Variants in DGLUCY observed in about 807,000 individuals in gnomAD.
DGLUCY encodes the protein D-glutamate cyclase, mitochondrial.
DGLUCY carries 58 observed loss-of-function variants against 58.5 expected under a neutral mutation model. That is an observed-to-expected ratio of 0.99 (90% CI 0.80 to 1.23). The LOEUF is 1.23. Among genes scored for constraint, DGLUCY ranks in the 50% most tolerant of loss-of-function variants. DGLUCY has a pLI of 0.00. For missense variants in DGLUCY, 779 were observed against 784.7 expected (o/e 0.99, Z 0.09); for synonymous variants, 325 against 314.1 (o/e 1.03, Z -0.37).
intron 1 of DGLUCY, among the ~76,000 whole-genome samples, chr14:91,063,876 CACTGAAGTTAGTGTTTGGAG>C (rs1331097891): frequency 6.6e-6 from 1 of 152,174 alleles, no homozygotes; most frequent in Non-Finnish European, 1.5e-5. Context: ...TTCAGAAGGT[CACTGAAGTTAGTGTTTGGAG>C]ACTGCGCTGG....
At chr14:91,060,367 T>C (rs1369945741) in exon 1 of DGLUCY, 2 of 1,503,142 alleles carry the variant, frequency 1.3e-6, no homozygotes, top group South Asian at 2.6e-5. Flanking sequence ...GAGGAGCTGC[T>C]CTCCTCCGTC....
At chr14:91,107,330 C>T (rs1452758134), upstream of DGLUCY, among the ~76,000 whole-genome samples, 1 of 151,806 alleles carries the variant, frequency 6.6e-6, no homozygotes, top group Non-Finnish European at 1.5e-5. Flanking sequence ...ACCAGCCTGG[C>T]CAACGTGGTG....
chr14:91,211,276 G>C (rs1430352683), intron 12 of DGLUCY, among the ~76,000 whole-genome samples: 1 of 152,144 alleles, frequency 6.6e-6, no homozygotes, highest in Non-Finnish European at 1.5e-5. Flanking sequence ...CAATAAATTT[G>C]ATATAGTCCC....
At chr14:91,077,255 GAGAGAGAGAA>G (rs2044036559) in intron 1 of DGLUCY, among the ~76,000 whole-genome samples, 1 of 150,728 alleles carries the variant, frequency 6.6e-6, no homozygotes, top group Non-Finnish European at 1.5e-5. Flanking sequence ...AAAGAGTGGG[GAGAGAGAGAA>G]AGAGAGAGAG....
At chr14:91,155,804 A>AG (rs2047583671) in intron 1 of DGLUCY, among the ~76,000 whole-genome samples, 2 of 151,900 alleles carry the variant, frequency 1.3e-5, no homozygotes, top group African/African-American at 4.8e-5. Flanking sequence ...TTCCAAAAAA[A>AG]AAAAAAAAAG....
intron 8 of DGLUCY, among the ~76,000 whole-genome samples, chr14:91,182,469 A>ATTT (rs2049242004): frequency 6.6e-6 from 1 of 151,796 alleles, no homozygotes; most frequent in African/African-American, 2.4e-5. Context: ...TATTATTATT[A>ATTT]TTTAGAGATG....
intron 1 of DGLUCY, among the ~76,000 whole-genome samples, chr14:91,119,699 G>T (rs957031799): frequency 2.0e-5 from 3 of 152,098 alleles, no homozygotes; most frequent in Admixed American, 6.6e-5. Flanking sequence ...TTCCTGTGAG[G>T]GTGTTGCCAA....
intron 12 of DGLUCY, among the ~76,000 whole-genome samples, chr14:91,206,483 A>G (rs1367126915): frequency 6.6e-6 from 1 of 152,026 alleles, no homozygotes; most frequent in Non-Finnish European, 1.5e-5. Flanking sequence ...CCCGGGTTCA[A>G]ACTATTCTTA....
At chr14:91,084,516 C>T (rs1020305384) in intron 1 of DGLUCY, among the ~76,000 whole-genome samples, 1 of 151,954 alleles carries the variant, frequency 6.6e-6, no homozygotes, top group Non-Finnish European at 1.5e-5. Context: ...ATCTGTCTCT[C>T]ATGCATCTCT....
At position 91,224,613 on chromosome 14, in the gene DGLUCY, T is replaced by C. The variant is rs1226196706; in HGVS notation, c.1717-71T>C. 3.5e-6 allele frequency: 5 copies of C among 1,440,134 alleles called. No homozygotes were observed. The East Asian group carries it at 7.2e-5, about 21-fold the overall frequency. The allele number at this position is 1,440,134 out of a possible 1,614,324, so 89.2% of individuals were successfully genotyped here. ...CAAGGCAAAGGATCCTTCTCACTTA[T>C]AAATGTGTATAAAAGAAATTTCTTT... On this transcript the variant is annotated intron_variant, in intron 13 of 13. Coordinates refer to ENST00000256324, the MANE Select transcript of DGLUCY (RefSeq NM_001102368.3).
In DGLUCY at chr14:91,173,437, C is replaced by G. The variant is rs1181296725; in HGVS notation, c.605C>G (p.Pro202Arg). Residue 202 changes from proline (P) to arginine (R), a missense_variant and splice_region_variant, in exon 6 of 14, where the codon CCA (proline) becomes CGA (arginine). Physicochemically the swap from Pro to Arg is moderately radical, Grantham distance 103 (BLOSUM62 -2). Transcript: ENST00000256324. Reference sequence around the variant, plus strand: ...GGGCAACCTGTTCACATGGGCGACCCAGGTCAGTGTCTCTCGCTCCTGCCC... The same window carrying G: ...GGGCAACCTGTTCACATGGGCGACCGAGGTCAGTGTCTCTCGCTCCTGCCC... ...EQGQPVHMGD[P>R]ELLGIKELSK... 1 of 1,599,232 alleles carries G rather than the reference C, an allele frequency of 6.3e-7. No homozygotes were observed. The highest frequency in any genetic ancestry group is 8.5e-7 in the Non-Finnish European group (1 of 1,174,910).
In DGLUCY at chr14:91,224,736, C is replaced by T. The variant is rs747244719; in HGVS notation, c.1769C>T (p.Ser590Leu). Residue 590 changes from serine (S) to leucine (L), a missense_variant, in exon 14 of 14, where the codon TCG becomes TTG. Coordinates refer to ENST00000256324, the MANE Select transcript of DGLUCY (RefSeq NM_001102368.3). ...LVQHKVRSGV[S>L]GIVGMEVDGL... is the part of the protein sequence containing the mutation. Reference sequence around the variant, plus strand: ...CAGCACAAAGTCCGGAGTGGCGTCTCGGGCATCGTGGGCATGGAGGTGGAT... The same window carrying T: ...CAGCACAAAGTCCGGAGTGGCGTCTTGGGCATCGTGGGCATGGAGGTGGAT... The T allele has an allele frequency of 1.7e-5, 27 of 1,613,422 alleles. No homozygotes were observed. The highest frequency in any genetic ancestry group is 9.3e-5 in the African/African-American group (7 of 74,888).
chr14:91,169,409 T>TC (rs200752258), intron 4 of DGLUCY, among the ~76,000 whole-genome samples: 19 of 144,232 alleles, frequency 1.3e-4, no homozygotes, highest in African/African-American at 4.6e-4. Context: ...TTCTTCTTCT[T>TC]TTTTTTTTTT....
chr14:91,111,248 G>A (rs200344290), upstream of DGLUCY, among the ~76,000 whole-genome samples: 5,472 of 81,050 alleles, frequency 0.068, 167 homozygotes, highest in South Asian at 0.097. Flanking sequence ...GTGTGTGTGT[G>A]TATATATCTA....
At chr14:91,149,521 A>G in intron 1 of DGLUCY, among the ~76,000 whole-genome samples, 1 of 152,176 alleles carries the variant, frequency 6.6e-6, no homozygotes. Context: ...CCTTAAAGGA[A>G]CTGCCTAGTT....
rs55872945 is a variant in DGLUCY at position 91,074,294 on chromosome 14, C to CA, written c.-82+13609dup. The stretch of plus-strand genomic sequence containing the variant: ...TGGGCAACTGAGCGATACCCTGTCT[C>CA]AAAAAAAAAAAAAAAAAAATATATA... On this transcript the variant is annotated intron_variant, in intron 1 of 4. Coordinates refer to the DGLUCY transcript ENST00000521334. Among the ~76,000 whole-genome samples the CA allele has an allele frequency of 3.5e-3, 359 of 103,234 alleles. 2 individuals carry two copies. The highest frequency in any genetic ancestry group is 5.8e-3 in the Admixed American group (51 of 8,812). 67.7% of individuals were successfully genotyped at this position (103,234 alleles called of 152,430 possible). A position where few individuals can be genotyped will look rare whatever the true frequency, so the allele number is the denominator to read the frequency against.
chr14:91,119,091 T>C (rs1162949518), intron 1 of DGLUCY, among the ~76,000 whole-genome samples: 1 of 152,130 alleles, frequency 6.6e-6, no homozygotes, highest in Non-Finnish European at 1.5e-5. Flanking sequence ...ATACATTTGC[T>C]CAAAAAGGGT....
intron 12 of DGLUCY, among the ~76,000 whole-genome samples, chr14:91,214,215 T>C (rs1179966868): frequency 6.6e-6 from 1 of 152,192 alleles, no homozygotes; most frequent in Non-Finnish European, 1.5e-5. Context: ...TCAGTCATAG[T>C]GGCCCGTGGC....
intron 12 of DGLUCY, among the ~76,000 whole-genome samples, chr14:91,205,611 A>C (rs927822373): frequency 6.6e-6 from 1 of 152,140 alleles, no homozygotes; most frequent in Non-Finnish European, 1.5e-5. Flanking sequence ...CAGGCGACCC[A>C]GTGGTCTGGG....
Sources: gnomAD v4.1 joint callset for allele counts (sites outside exome capture counted in the v4.1 genomes callset) on GRCh38, gnomAD v4.1.1 for gene constraint, MANE v1.5 for transcripts, NCBI Gene and HGNC (gene_info 2026-07-23, HGNC 2026-07-21) for gene names.